The following ZC3H12B variants were observed in gnomAD, a reference collection of about 807,000 sequenced individuals.
ZC3H12B encodes probable ribonuclease ZC3H12B.
In ZC3H12B, 7 loss-of-function variants were observed where a neutral mutation model predicts 43.9. That is an observed-to-expected ratio of 0.16 (90% CI 0.09 to 0.30). The LOEUF (loss-of-function observed/expected upper bound fraction) is 0.30. ZC3H12B is among the 10% of genes least tolerant of loss of function. The pLI, the probability that ZC3H12B is intolerant of heterozygous loss-of-function variation, is 1.00. For synonymous variants in ZC3H12B, 222 were observed against 241.7 expected, an observed-to-expected ratio of 0.92 and a Z score of 0.76; for missense variants, 475 against 670.2, an observed-to-expected ratio of 0.71 and a Z score of 3.22.
the ZC3H12B span, among the ~76,000 whole-genome samples, chrX:65,176,979 C>A: frequency 0.24 from 26,764 of 111,166 alleles, 7,708 homozygotes; most frequent in African/African-American, 0.83. Flanking sequence ...ACAACAACAA[C>A]AAAAATTTCA....
chrX:65,365,886 G>A (rs1454515718), upstream of ZC3H12B, among the ~76,000 whole-genome samples: 25 of 108,459 alleles, frequency 2.3e-4, no homozygotes, highest in African/African-American at 8.1e-4. Context: ...CCTATAAAAC[G>A]ACCCCACTGC....
the ZC3H12B span, among the ~76,000 whole-genome samples, chrX:65,114,020 T>C: frequency 1.2e-5 from 1 of 85,759 alleles, no homozygotes; most frequent in African/African-American, 3.9e-5. Flanking sequence ...TATATATATA[T>C]ATATATTCAT....
the ZC3H12B span, among the ~76,000 whole-genome samples, chrX:65,212,338 A>G: frequency 2.1e-5 from 1 of 48,110 alleles, no homozygotes; most frequent in Non-Finnish European, 3.3e-5. Flanking sequence ...TATATAATAT[A>G]TAATATAAAT....
the ZC3H12B span, among the ~76,000 whole-genome samples, chrX:65,123,936 G>A: frequency 9.1e-6 from 1 of 110,343 alleles, no homozygotes; most frequent in Non-Finnish European, 1.9e-5. Context: ...TCATCAGCAA[G>A]CAGTGACAGT....
chrX:65,159,237 C>T, the ZC3H12B span, among the ~76,000 whole-genome samples: 2 of 111,824 alleles, frequency 1.8e-5, no homozygotes, highest in African/African-American at 6.5e-5. Context: ...TTTGGCTTAG[C>T]ATTGACTTGG....
the ZC3H12B span, among the ~76,000 whole-genome samples, chrX:65,288,369 G>A: frequency 9.0e-6 from 1 of 111,279 alleles, no homozygotes; most frequent in Non-Finnish European, 1.9e-5. Context: ...AAAACTGCAG[G>A]CCAATATCCC....
At chrX:65,190,348 G>C in the ZC3H12B span, among the ~76,000 whole-genome samples, 1 of 111,068 alleles carries the variant, frequency 9.0e-6, no homozygotes, top group Non-Finnish European at 1.9e-5. Flanking sequence ...GTCATTGGTA[G>C]CTTGATGGGG....
chrX:65,259,816 C>T, the ZC3H12B span, among the ~76,000 whole-genome samples: 1 of 111,630 alleles, frequency 9.0e-6, no homozygotes, highest in South Asian at 3.7e-4. Context: ...ACCATGGAAC[C>T]AGCCCAAATG....
At chrX:65,196,676 G>A in the ZC3H12B span, among the ~76,000 whole-genome samples, 1 of 111,058 alleles carries the variant, frequency 9.0e-6, no homozygotes, top group African/African-American at 3.3e-5. Flanking sequence ...TAATGTTATG[G>A]GCTTTAATTG....
chrX:65,296,772 C>A, the ZC3H12B span, among the ~76,000 whole-genome samples: 1 of 111,361 alleles, frequency 9.0e-6, no homozygotes, highest in Non-Finnish European at 1.9e-5. Flanking sequence ...TACTAGCTAA[C>A]TGAATCCAAC....
At chrX:65,122,161 G>A in the ZC3H12B span, among the ~76,000 whole-genome samples, 7 of 111,190 alleles carry the variant, frequency 6.3e-5, no homozygotes, top group South Asian at 7.6e-4. Flanking sequence ...TGTCTATTAG[G>A]TCTGCTTGGT....
At chrX:65,120,297 T>C in the ZC3H12B span, among the ~76,000 whole-genome samples, 1,082 of 111,889 alleles carry the variant, frequency 9.7e-3, 16 homozygotes, top group African/African-American at 0.034. Flanking sequence ...TGTTCTTCCA[T>C]TTGTTTGTAT....
At chrX:65,408,248 G>A (rs1227539922) in intron 3 of ZC3H12B, 50 of 1,166,853 alleles carry the variant, frequency 4.3e-5, no homozygotes, top group South Asian at 3.4e-4. Context: ...TGAAAAGACA[G>A]AAATGCAGAG....
At chrX:65,038,801 G>A in the ZC3H12B span, among the ~76,000 whole-genome samples, 2 of 111,185 alleles carry the variant, frequency 1.8e-5, no homozygotes, top group Non-Finnish European at 3.8e-5. Flanking sequence ...GTATTACATT[G>A]AGTACCACTG....
At chrX:65,240,453 G>T in the ZC3H12B span, among the ~76,000 whole-genome samples, 2 of 111,516 alleles carry the variant, frequency 1.8e-5, no homozygotes, top group East Asian at 5.7e-4. Context: ...TTGCTATTCT[G>T]GTTTTCAGCT....
the ZC3H12B span, among the ~76,000 whole-genome samples, chrX:65,229,762 C>A: frequency 9.6e-6 from 1 of 104,414 alleles, no homozygotes; most frequent in Admixed American, 1.0e-4. Flanking sequence ...GACATTTATG[C>A]AGCCAAAAAA....
the ZC3H12B span, among the ~76,000 whole-genome samples, chrX:65,212,344 T>C: frequency 1.8e-4 from 9 of 49,436 alleles, no homozygotes; most frequent in East Asian, 6.2e-3. Context: ...ATATATAATA[T>C]AAATATAATT....
the ZC3H12B span, among the ~76,000 whole-genome samples, chrX:65,153,968 A>G: frequency 4.5e-5 from 5 of 111,107 alleles, no homozygotes; most frequent in Non-Finnish European, 9.4e-5. Flanking sequence ...TTCTCAGTAA[A>G]CTATTGCAAG....
At chrX:65,471,393 G>A in intron 3 of ZC3H12B, among the ~76,000 whole-genome samples, 1 of 106,511 alleles carries the variant, frequency 9.4e-6, no homozygotes, top group Non-Finnish European at 1.9e-5. Flanking sequence ...GAGTCTATAA[G>A]AATCTTTACA....
Sources: allele counts gnomAD v4.1 joint callset (sites outside exome capture counted in the v4.1 genomes callset), GRCh38; gene constraint gnomAD v4.1.1; transcripts MANE v1.5; gene names NCBI Gene and HGNC (gene_info 2026-07-23, HGNC 2026-07-21).